USP3: variants seen among roughly 807,000 people sequenced by gnomAD.
The protein encoded by USP3 is ubiquitin carboxyl-terminal hydrolase 3.
Under a neutral mutation model 72.3 loss-of-function variants are expected in USP3, and 20 were observed. The observed-to-expected ratio is 0.28, with a 90% CI of 0.19 to 0.40. The LOEUF is 0.40. Among genes scored for constraint, USP3 ranks in the 10% least tolerant of loss-of-function variants. The pLI, the probability that USP3 is intolerant of heterozygous loss-of-function variation, is 1.00. For missense variants in USP3, 479 were observed against 633.9 expected (o/e 0.76, Z 2.62); for synonymous variants, 222 against 225.3 (o/e 0.99, Z 0.13).
At chr15:63,542,706 T>C (rs940842007) in intron 3 of USP3, among the ~76,000 whole-genome samples, 1 of 152,128 alleles carries the variant, frequency 6.6e-6, no homozygotes, top group Non-Finnish European at 1.5e-5. Context: ...CTCTTCTAGT[T>C]TGCCAAAAAC....
rs758029925 is a variant in USP3, at chr15:63,529,082, C to A, written c.92-3565C>A. On this transcript the variant is annotated intron_variant, in intron 1 of 14. Coordinates refer to ENST00000380324, the MANE Select transcript of USP3 (RefSeq NM_006537.4). This position sits in a 1 kb window ranked among gnomAD's most constrained non-coding sequence, Gnocchi z 4.2. Reference sequence around the variant, plus strand: ...AGTACTGTATGTTGCCCAGGCTGGCCTCGAACTCTAGGCTCAAGTGATTCT... The same window carrying A: ...AGTACTGTATGTTGCCCAGGCTGGCATCGAACTCTAGGCTCAAGTGATTCT... 129 of 1,284,710 alleles carry A rather than the reference C, an allele frequency of 1.0e-4. No homozygotes were observed. The South Asian group carries it at 1.5e-3, about 15-fold the overall frequency. 79.6% of individuals were successfully genotyped at this position (1,284,710 alleles called of 1,614,324 possible). A position where few individuals can be genotyped will look rare whatever the true frequency, so the allele number is the denominator to read the frequency against.
chr15:63,519,534 T>C (rs920424060), intron 1 of USP3, among the ~76,000 whole-genome samples: 5 of 152,214 alleles, frequency 3.3e-5, no homozygotes. Context: ...CTGTCTTGTT[T>C]TTGGTGATAC....
Position 63,592,448 on chromosome 15 carries a change from ATTT to A in USP3, c.*1638_*1640del, listed in dbSNP as rs11437615. 4 of 130,326 alleles carry A rather than the reference ATTT, an allele frequency of 3.1e-5. No individual in the cohort carries two copies. Among genetic ancestry groups the A allele is most frequent in the African/African-American group, 5.7e-5 (2 of 35,070 alleles). The allele number at this position is 130,326 out of a possible 1,614,324, so 8.1% of individuals were successfully genotyped here. ...GTTAAGCCAACGAGACTTTCTGGCA[ATTT>A]TTTTTTTTTTTTTTTAATGGAGTCT... On this transcript the variant is annotated 3_prime_UTR_variant, in exon 15 of 15. Transcript: ENST00000380324.
At chr15:63,565,904 T>C (rs1416040971) in intron 8 of USP3, among the ~76,000 whole-genome samples, 2 of 152,232 alleles carry the variant, frequency 1.3e-5, no homozygotes, top group Non-Finnish European at 2.9e-5. Flanking sequence ...TCTTCTGTAA[T>C]TTTGATAGTC....
intron 11 of USP3, among the ~76,000 whole-genome samples, chr15:63,580,209 A>G (rs1483278350): frequency 1.3e-5 from 2 of 152,186 alleles, no homozygotes; most frequent in Admixed American, 6.5e-5. Flanking sequence ...AAAACTGTCC[A>G]TGGAAATATG....
intron 3 of USP3, among the ~76,000 whole-genome samples, chr15:63,546,982 T>G (rs1203052179): frequency 1.3e-5 from 2 of 152,244 alleles, no homozygotes; most frequent in Non-Finnish European, 2.9e-5. Flanking sequence ...ATCTGAAGAC[T>G]AAAGCAACCC....
chr15:63,511,579 A>T (rs1012128884), intron 1 of USP3, among the ~76,000 whole-genome samples: 1 of 152,188 alleles, frequency 6.6e-6, no homozygotes, highest in Admixed American at 6.5e-5. Flanking sequence ...ATAGGCCGAA[A>T]TTCATATTGC....
rs1002394294 is a variant in USP3 at position 63,574,950 on chromosome 15, C to A, written c.1096+547C>A. Among the ~76,000 whole-genome samples, 5 of 152,026 alleles carry A rather than the reference C, an allele frequency of 3.3e-5. No homozygotes were observed. The highest frequency in any genetic ancestry group is 3.3e-4 in the Admixed American group (5 of 15,264). ...CAGAAGACCTTATTTAAAATTTTAT[C>A]CTAGACCATAAGTGTACAGACAGGT... On this transcript the variant is annotated intron_variant, in intron 11 of 14. Coordinates refer to ENST00000380324, the MANE Select transcript of USP3 (RefSeq NM_006537.4). This position sits in a 1 kb window ranked among gnomAD's most constrained non-coding sequence, Gnocchi z 4.6.
intron 1 of USP3, chr15:63,530,566 G>A (rs780940910): frequency 2.2e-5 from 9 of 406,832 alleles, no homozygotes; most frequent in Non-Finnish European, 4.3e-5. Context: ...GCCTGCCTCG[G>A]CCTCCCAAAG....
chr15:63,516,963 T>C (rs1179566742), intron 1 of USP3, among the ~76,000 whole-genome samples: 1 of 151,742 alleles, frequency 6.6e-6, no homozygotes, highest in South Asian at 2.1e-4. Flanking sequence ...AGTTGGATGT[T>C]GGGTGTCCTG....
At chr15:63,521,676 T>A (rs1378227409) in intron 1 of USP3, among the ~76,000 whole-genome samples, 1 of 152,238 alleles carries the variant, frequency 6.6e-6, no homozygotes, top group African/African-American at 2.4e-5. Context: ...TCAGTGCTTT[T>A]CTGTCAGCTC....
intron 7 of USP3, among the ~76,000 whole-genome samples, chr15:63,561,137 A>G (rs186196958): frequency 6.6e-6 from 1 of 152,206 alleles, no homozygotes; most frequent in Non-Finnish European, 1.5e-5. Context: ...ATCTAGGATG[A>G]GTTGAAAGTG....
At chr15:63,536,454 G>C (rs929245465) in intron 2 of USP3, among the ~76,000 whole-genome samples, 6 of 141,094 alleles carry the variant, frequency 4.3e-5, no homozygotes, top group African/African-American at 1.6e-4. Context: ...TGGTCTGAGA[G>C]AAAAAAAAAA....
intron 1 of USP3, among the ~76,000 whole-genome samples, chr15:63,525,998 T>G (rs979290676): frequency 6.6e-6 from 1 of 152,226 alleles, no homozygotes; most frequent in Non-Finnish European, 1.5e-5. Flanking sequence ...CACTCATGCT[T>G]GAAAATTTAG....
At chr15:63,507,316 A>G (rs1488480132) in intron 1 of USP3, among the ~76,000 whole-genome samples, 3 of 152,214 alleles carry the variant, frequency 2.0e-5, no homozygotes, top group Non-Finnish European at 4.4e-5. Flanking sequence ...ACAACATTCT[A>G]GGTTCTACCA....
Position 63,570,388 on chromosome 15 carries a change from A to G in USP3, c.762-45A>G, listed in dbSNP as rs760549118. On this transcript the variant is annotated intron_variant, in intron 8 of 14. Coordinates refer to ENST00000380324, the MANE Select transcript of USP3 (RefSeq NM_006537.4). This position sits in a 1 kb window ranked among gnomAD's most constrained non-coding sequence, Gnocchi z 4.4. ...CTCTTGCTGGTGTGGCTGGGCACAA[A>G]GAGCCCTCCACCCGGCCTTATAAGT... 6 of 1,611,352 alleles carry G rather than the reference A, an allele frequency of 3.7e-6. No homozygotes were observed. In the South Asian group the frequency reaches 5.5e-5, roughly 15 times the overall value.
intron 14 of USP3, among the ~76,000 whole-genome samples, chr15:63,590,071 C>CTCAAAAATGTGATTTTG (rs2067162118): frequency 6.6e-6 from 1 of 152,112 alleles, no homozygotes; most frequent in Non-Finnish European, 1.5e-5. Flanking sequence ...TTTCTTTCCC[C>CTCAAAAATGTGATTTTG]TCAAAAATGT....
intron 11 of USP3, among the ~76,000 whole-genome samples, chr15:63,582,865 A>G (rs1056656829): frequency 1.3e-5 from 2 of 152,212 alleles, no homozygotes; most frequent in Admixed American, 6.5e-5. Context: ...AGAAGGAACA[A>G]GAGAGCAGTC....
Position 63,592,294 on chromosome 15 carries a change from T to G in USP3, c.*1468T>G, listed in dbSNP as rs1338362189. On this transcript the variant is annotated 3_prime_UTR_variant, in exon 15 of 15. Transcript: ENST00000380324. ...CCAGAATCCCATTTAAAGAAAGCAGTTGTGGTTTCTACAAGTGTTCTAAGA... is the reference window on the plus strand; with the variant it reads ...CCAGAATCCCATTTAAAGAAAGCAGGTGTGGTTTCTACAAGTGTTCTAAGA... The G allele has an allele frequency of 6.6e-6, 1 of 151,662 alleles. No individual in the cohort carries two copies. The highest frequency in any genetic ancestry group is 1.5e-5 in the Non-Finnish European group (1 of 67,922). 9.4% of individuals were successfully genotyped at this position (151,662 alleles called of 1,614,324 possible). A position where few individuals can be genotyped will look rare whatever the true frequency, so the allele number is the denominator to read the frequency against.
Sources: gnomAD v4.1 joint callset for allele counts (sites outside exome capture counted in the v4.1 genomes callset) on GRCh38, gnomAD v4.1.1 for gene constraint, Gnocchi (gnomAD v3.1) non-coding constraint, MANE v1.5 for transcripts, NCBI Gene and HGNC (gene_info 2026-07-23, HGNC 2026-07-21) for gene names.